HDAC9: variants seen among roughly 807,000 people sequenced by gnomAD.
HDAC9 encodes histone deacetylase 9.
Under a neutral mutation model 139.4 loss-of-function variants are expected in HDAC9, and 41 were observed. The observed-to-expected ratio is 0.29, with a 90% CI of 0.23 to 0.38. The LOEUF (loss-of-function observed/expected upper bound fraction) is 0.38, where lower values mean the gene tolerates loss of function less well. HDAC9 is among the 10% of genes least tolerant of loss of function. The probability of loss-of-function intolerance (pLI) is 1.00; values close to 1 mark genes in which losing one functional copy is unlikely to be tolerated. For missense variants in HDAC9, 1,147 were observed against 1,297.0 expected, an observed-to-expected ratio of 0.88 and a Z score of 1.78; for synonymous variants, 517 against 476.2, an observed-to-expected ratio of 1.09 and a Z score of -1.12.
chr7:18,461,261 A>G (rs1793823452), intron 1 of HDAC9, among the ~76,000 whole-genome samples: 1 of 152,202 alleles, frequency 6.6e-6, no homozygotes, highest in Admixed American at 6.5e-5. Flanking sequence ...GATTGATCCT[A>G]TTACAAAATT....
intron 24 of HDAC9, among the ~76,000 whole-genome samples, chr7:18,954,945 A>G (rs1366104783): frequency 6.6e-6 from 1 of 151,978 alleles, no homozygotes; most frequent in African/African-American, 2.4e-5. Flanking sequence ...GTTCAGTAGC[A>G]ATTTGGAGAT....
intron 22 of HDAC9, among the ~76,000 whole-genome samples, chr7:18,884,880 C>G (rs1000769500): frequency 5.9e-5 from 9 of 152,202 alleles, no homozygotes; most frequent in Admixed American, 3.9e-4. Flanking sequence ...CAACAAATCT[C>G]TCCTCCTCTC....
At chr7:18,812,500 A>G (rs188976201) in intron 17 of HDAC9, among the ~76,000 whole-genome samples, 2 of 152,086 alleles carry the variant, frequency 1.3e-5, no homozygotes, top group Admixed American at 1.3e-4. Context: ...TATATTTTCA[A>G]TGTCATTTTT....
intron 22 of HDAC9, among the ~76,000 whole-genome samples, chr7:18,876,497 G>A (rs1799329482): frequency 6.6e-6 from 1 of 152,152 alleles, no homozygotes; most frequent in Non-Finnish European, 1.5e-5. Context: ...ACAATGAGAA[G>A]AGAAGTCCTT....
At chr7:18,712,195 T>C (rs1784395746) in intron 12 of HDAC9, among the ~76,000 whole-genome samples, 1 of 152,164 alleles carries the variant, frequency 6.6e-6, no homozygotes, top group Admixed American at 6.6e-5. Context: ...TTAATATACA[T>C]CAGCGACTTC....
intron 2 of HDAC9, among the ~76,000 whole-genome samples, chr7:18,176,230 C>T (rs1372277420): frequency 6.6e-6 from 1 of 152,148 alleles, no homozygotes; most frequent in African/African-American, 2.4e-5. Flanking sequence ...ACTGGAAAGC[C>T]TGCTTGATTT....
intron 2 of HDAC9, among the ~76,000 whole-genome samples, chr7:18,564,162 C>G (rs895313412): frequency 2.0e-5 from 3 of 151,806 alleles, no homozygotes; most frequent in South Asian, 2.1e-4. Flanking sequence ...ACAACAATGA[C>G]TATTCTCCTC....
chr7:18,155,259 T>A (rs1472443240), intron 1 of HDAC9, among the ~76,000 whole-genome samples: 1 of 152,088 alleles, frequency 6.6e-6, no homozygotes, highest in African/African-American at 2.4e-5. Context: ...TCAAAGATGA[T>A]CCAATAAAAA....
At chr7:18,664,404 A>T (rs896147869) in intron 11 of HDAC9, among the ~76,000 whole-genome samples, 7 of 152,066 alleles carry the variant, frequency 4.6e-5, no homozygotes, top group African/African-American at 1.7e-4. Flanking sequence ...TTTAGGTCTT[A>T]TATGTGTTTT....
At chr7:18,961,049 C>T (rs1171671183) in intron 24 of HDAC9, among the ~76,000 whole-genome samples, 1 of 152,136 alleles carries the variant, frequency 6.6e-6, no homozygotes, top group East Asian at 1.9e-4. Flanking sequence ...CTCAGTTTTT[C>T]CTCTTTCTTT....
At chr7:18,315,888 G>A (rs1235901231) in intron 1 of HDAC9, among the ~76,000 whole-genome samples, 3 of 152,198 alleles carry the variant, frequency 2.0e-5, no homozygotes, top group Non-Finnish European at 4.4e-5. Context: ...GAGACTGAGT[G>A]TCTGATGGAC....
At chr7:18,922,376 A>C (rs1563058071) in intron 22 of HDAC9, among the ~76,000 whole-genome samples, 1 of 152,052 alleles carries the variant, frequency 6.6e-6, no homozygotes. Flanking sequence ...TTTTTCCCAA[A>C]AAAATAAAAA....
At chr7:18,205,468 A>C (rs1300271726) in intron 2 of HDAC9, among the ~76,000 whole-genome samples, 1 of 152,042 alleles carries the variant, frequency 6.6e-6, no homozygotes, top group Non-Finnish European at 1.5e-5. Flanking sequence ...TGCTGGAAAA[A>C]CAGACATGTA....
At chr7:18,747,864 A>T (rs1367096456) in intron 13 of HDAC9, among the ~76,000 whole-genome samples, 2 of 152,174 alleles carry the variant, frequency 1.3e-5, no homozygotes, top group Non-Finnish European at 2.9e-5. Context: ...CTTGAGTAAC[A>T]TTTCTTTAAC....
chr7:18,309,850 A>G (rs1042368417), intron 1 of HDAC9, among the ~76,000 whole-genome samples: 1 of 152,212 alleles, frequency 6.6e-6, no homozygotes, highest in Non-Finnish European at 1.5e-5. Context: ...ATATGCTATT[A>G]TAATAAAAAA....
chr7:18,688,398 G>C (rs993383960), intron 12 of HDAC9, among the ~76,000 whole-genome samples: 2 of 151,704 alleles, frequency 1.3e-5, no homozygotes, highest in Non-Finnish European at 2.9e-5. Flanking sequence ...TGAATAATGT[G>C]CAAATTTACA....
intron 16 of HDAC9, among the ~76,000 whole-genome samples, chr7:18,785,577 AT>A (rs1791644784): frequency 6.6e-6 from 1 of 152,184 alleles, no homozygotes; most frequent in African/African-American, 2.4e-5. Flanking sequence ...TTTAAAAAAA[AT>A]ATTTTAGCAC....
At chr7:18,420,232 A>G (rs891101874) in intron 1 of HDAC9, among the ~76,000 whole-genome samples, 3 of 152,144 alleles carry the variant, frequency 2.0e-5, no homozygotes, top group Admixed American at 2.0e-4. Context: ...ATCCTTCTAG[A>G]CTGTTGACAT....
chr7:18,963,520 A>T (rs1216420708), intron 24 of HDAC9, among the ~76,000 whole-genome samples: 1 of 152,208 alleles, frequency 6.6e-6, no homozygotes, highest in East Asian at 1.9e-4. Flanking sequence ...CAGAAATGAG[A>T]TATATTAGAA....
Sources: allele counts gnomAD v4.1 joint callset (sites outside exome capture counted in the v4.1 genomes callset), GRCh38; gene constraint gnomAD v4.1.1; transcripts MANE v1.5; gene names NCBI Gene and HGNC (gene_info 2026-07-23, HGNC 2026-07-21).